CHST11: variants seen among roughly 807,000 people sequenced by gnomAD.
CHST11 encodes carbohydrate sulfotransferase 11, also known as C4S-1.
Under a neutral mutation model 30.4 loss-of-function variants are expected in CHST11, and 9 were observed. The observed-to-expected ratio is 0.30, with a 90% CI of 0.18 to 0.52. The LOEUF (loss-of-function observed/expected upper bound fraction) is 0.52, where lower values mean the gene tolerates loss of function less well. CHST11 is among the 20% of genes least tolerant of loss of function. The pLI, the probability that CHST11 is intolerant of heterozygous loss-of-function variation, is 0.97. For missense variants in CHST11, 348 were observed against 460.6 expected (o/e 0.76, Z 2.24); for synonymous variants, 152 against 187.8 (o/e 0.81, Z 1.56).
intron 2 of CHST11, among the ~76,000 whole-genome samples, chr12:104,705,430 G>A (rs1219777559): frequency 6.6e-6 from 1 of 152,150 alleles, no homozygotes; most frequent in African/African-American, 2.4e-5. Flanking sequence ...CCAGGCGCCT[G>A]GTAAATGGGA....
At chr12:104,480,577 C>CAAAA (rs58063092) in intron 1 of CHST11, among the ~76,000 whole-genome samples, 4 of 112,660 alleles carry the variant, frequency 3.6e-5, no homozygotes, top group African/African-American at 3.4e-5. Flanking sequence ...GATTCCATCT[C>CAAAA]AAAAAAAAAA....
Position 104,744,809 on chromosome 12 carries a change from A to C in CHST11, c.205-12140A>C, listed in dbSNP as rs112268591. 3.9e-3 allele frequency among the ~76,000 whole-genome samples: 593 copies of C among 152,162 alleles called. 4 individuals are homozygous for C. The highest frequency in any genetic ancestry group is 0.014 in the African/African-American group (562 of 41,518). On this transcript the variant is annotated intron_variant, in intron 2 of 2. Coordinates refer to ENST00000303694, the MANE Select transcript of CHST11 (RefSeq NM_018413.6). ...GGTGTAAGGAAGGGATTCAGTTTTA[A>C]TCTTCTGCATAGGGACAGCCAGTTA...
intron 2 of CHST11, among the ~76,000 whole-genome samples, chr12:104,753,458 A>C (rs955994326): frequency 2.0e-5 from 3 of 152,252 alleles, no homozygotes; most frequent in Non-Finnish European, 2.9e-5. Context: ...AGGGAAAATT[A>C]GAAAATTCTG....
chr12:104,606,870 C>T (rs2039010196), intron 2 of CHST11, among the ~76,000 whole-genome samples: 1 of 152,046 alleles, frequency 6.6e-6, no homozygotes, highest in Admixed American at 6.5e-5. Context: ...GAGTTCTAAA[C>T]CAGCCTGGGC....
intron 1 of CHST11, among the ~76,000 whole-genome samples, chr12:104,594,045 C>T (rs1002431627): frequency 3.3e-5 from 5 of 152,174 alleles, no homozygotes; most frequent in Non-Finnish European, 7.3e-5. Context: ...AGTAGAATAT[C>T]TTTGGTTAAG....
chr12:104,578,459 G>C (rs77623507), intron 1 of CHST11, among the ~76,000 whole-genome samples: 10,685 of 152,240 alleles, frequency 0.07, 428 homozygotes, highest in Middle Eastern at 0.099. Flanking sequence ...CTTTCTGTTT[G>C]AGTGTCTTTC....
At chr12:104,584,410 C>A (rs73386224) in intron 1 of CHST11, among the ~76,000 whole-genome samples, 52 of 152,122 alleles carry the variant, frequency 3.4e-4, no homozygotes, top group African/African-American at 1.2e-3. Flanking sequence ...GTATATGCCA[C>A]CATGCCTGGC....
At chr12:104,568,070 C>T (rs2038585216) in intron 1 of CHST11, among the ~76,000 whole-genome samples, 2 of 152,154 alleles carry the variant, frequency 1.3e-5, no homozygotes, top group South Asian at 4.1e-4. Flanking sequence ...TTTGTGGCTT[C>T]CCAGGGCAGG....
At chr12:104,732,296 C>T (rs312164) in intron 2 of CHST11, among the ~76,000 whole-genome samples, 44,291 of 152,064 alleles carry the variant, frequency 0.29, 7,231 homozygotes, top group South Asian at 0.51. Flanking sequence ...CTCCCAAAGA[C>T]GTGGGTGCCT....
intron 2 of CHST11, among the ~76,000 whole-genome samples, chr12:104,619,256 C>T (rs1375168390): frequency 6.6e-6 from 1 of 152,258 alleles, no homozygotes; most frequent in South Asian, 2.1e-4. Context: ...ACTCAGACCC[C>T]TCCTGAGTCA....
chr12:104,598,824 C>G (rs995756730), intron 1 of CHST11, among the ~76,000 whole-genome samples: 8 of 150,758 alleles, frequency 5.3e-5, no homozygotes, highest in Non-Finnish European at 1.0e-4. Flanking sequence ...CCAAGCCTCC[C>G]ACCCTGGTGG....
chr12:104,651,035 A>G lies in CHST11; in HGVS notation c.204+49044A>G, dbSNP rs961773973. Among the ~76,000 whole-genome samples the G allele has an allele frequency of 2.6e-5, 4 of 152,164 alleles. No individual in the cohort carries two copies. In the South Asian group the frequency reaches 8.3e-4, roughly 32 times the overall value. On this transcript the variant is annotated intron_variant, in intron 2 of 2. Coordinates refer to ENST00000303694, the MANE Select transcript of CHST11 (RefSeq NM_018413.6). The stretch of plus-strand genomic sequence containing the variant: ...TTTATTAGTCATTATTATTATGTCT[A>G]ATTTTTAGCCCCATTTTCAAATAGC...
intron 2 of CHST11, among the ~76,000 whole-genome samples, chr12:104,739,029 G>A (rs2040325852): frequency 6.6e-6 from 1 of 152,218 alleles, no homozygotes; most frequent in Admixed American, 6.5e-5. Context: ...GGTGAGGGGT[G>A]AGCTGACCAG....
chr12:104,742,447 C>T (rs1263772753), intron 2 of CHST11, among the ~76,000 whole-genome samples: 7 of 152,134 alleles, frequency 4.6e-5, no homozygotes, highest in Non-Finnish European at 8.8e-5. Context: ...CTGCCAGCAG[C>T]GACTTCCGAG....
At chr12:104,649,983 A>G (rs1280438954) in intron 2 of CHST11, among the ~76,000 whole-genome samples, 1 of 152,232 alleles carries the variant, frequency 6.6e-6, no homozygotes, top group Non-Finnish European at 1.5e-5. Context: ...AGGGCACTCC[A>G]TCAATTACTT....
At chr12:104,671,940 G>A (rs11112157) in intron 2 of CHST11, among the ~76,000 whole-genome samples, 4,843 of 152,226 alleles carry the variant, frequency 0.032, 160 homozygotes, top group East Asian at 0.2. Flanking sequence ...GTGGTTGGGG[G>A]ATGGGGCAAA....
intron 1 of CHST11, among the ~76,000 whole-genome samples, chr12:104,539,867 T>G (rs1018876403): frequency 6.6e-6 from 1 of 152,188 alleles, no homozygotes; most frequent in Non-Finnish European, 1.5e-5. Context: ...AGAGATAGGG[T>G]CTCACTGTGT....
At chr12:104,726,379 A>G (rs1352527103) in intron 2 of CHST11, among the ~76,000 whole-genome samples, 1 of 152,238 alleles carries the variant, frequency 6.6e-6, no homozygotes, top group Non-Finnish European at 1.5e-5. Context: ...CGTTGAGCAT[A>G]TTCAAAGAGA....
chr12:104,706,539 A>C, intron 2 of CHST11, among the ~76,000 whole-genome samples: 1 of 150,754 alleles, frequency 6.6e-6, no homozygotes, highest in East Asian at 1.9e-4. Context: ...TTGAGAAGCG[A>C]CCCCCTGGCA....
Sources: allele counts gnomAD v4.1 joint callset (sites outside exome capture counted in the v4.1 genomes callset), GRCh38; gene constraint gnomAD v4.1.1; transcripts MANE v1.5; gene names NCBI Gene and HGNC (gene_info 2026-07-23, HGNC 2026-07-21).